Variants in MRPL42 observed in about 807,000 individuals in gnomAD.
MRPL42 encodes the protein mitochondrial ribosomal protein L42.
A neutral mutation model predicts 17.9 loss-of-function variants in MRPL42; 17 were observed. The observed-to-expected ratio is 0.95, with a 90% CI of 0.65 to 1.42. The LOEUF (loss-of-function observed/expected upper bound fraction) is 1.42, where lower values mean the gene tolerates loss of function less well. MRPL42 is among the 40% of genes most tolerant of loss of function. The pLI is 0.00. For missense variants in MRPL42, 177 were observed against 175.2 expected, an observed-to-expected ratio of 1.01 and a Z score of -0.06; for synonymous variants, 59 against 54.4, an observed-to-expected ratio of 1.08 and a Z score of -0.37.
At chr12:93,483,490 A>G (rs772434111) in intron 4 of MRPL42, among the ~76,000 whole-genome samples, 40 of 152,352 alleles carry the variant, frequency 2.6e-4, no homozygotes, top group Admixed American at 9.1e-4. Flanking sequence ...CAATTGTAAC[A>G]CAATGGTCAA....
chr12:93,483,581 T>C (rs1010862730), intron 4 of MRPL42, among the ~76,000 whole-genome samples: 1 of 152,180 alleles, frequency 6.6e-6, no homozygotes, highest in African/African-American at 2.4e-5. Flanking sequence ...AATATACCTG[T>C]ATAGGGTACT....
Position 93,507,122 on chromosome 12 carries a change from G to A in MRPL42, c.*5901G>A, listed in dbSNP as rs1953679885. The A allele has an allele frequency of 6.6e-6, 1 of 152,188 alleles. No individual in the cohort carries two copies. 9.4% of individuals were successfully genotyped at this position (152,188 alleles called of 1,614,324 possible). Reference sequence around the variant, plus strand: ...TTTAGCAATAGATGTGTCCAGTGATGTACTAATGAAGATTTAACAACTGGT... The same window carrying A: ...TTTAGCAATAGATGTGTCCAGTGATATACTAATGAAGATTTAACAACTGGT... On this transcript the variant is annotated 3_prime_UTR_variant, in exon 6 of 6. Coordinates refer to ENST00000549982, the MANE Select transcript of MRPL42 (RefSeq NM_014050.4).
At chr12:93,473,994 CTTAT>C (rs62723860) in intron 2 of MRPL42, among the ~76,000 whole-genome samples, 7,968 of 152,220 alleles carry the variant, frequency 0.052, 253 homozygotes, top group South Asian at 0.14. Context: ...CCTTAAGGAA[CTTAT>C]TTAGACTTGT....
chr12:93,487,493 G>A lies in MRPL42; in HGVS notation c.220-4G>A. 1.9e-6 allele frequency: 3 copies of A among 1,605,722 alleles called. No homozygotes were observed. The highest frequency in any genetic ancestry group is 2.5e-6 in the Non-Finnish European group (3 of 1,177,114). ...CATGATGTTTGTTACTGATTATTTT[G>A]TAGCCTATCCCTCGGCCAGATCCTG... is the stretch of plus-strand genomic sequence containing the variant. On this transcript the variant is annotated splice_polypyrimidine_tract_variant and splice_region_variant and intron_variant, in intron 4 of 5. Transcript: ENST00000549982.
Position 93,513,410 on chromosome 12 carries a change from C to T in MRPL42, c.*12189C>T, listed in dbSNP as rs148696613. On this transcript the variant is annotated 3_prime_UTR_variant, in exon 6 of 6. Coordinates refer to ENST00000549982, the MANE Select transcript of MRPL42 (RefSeq NM_014050.4). ...TTGTGTTACCCAGGTTGGTATCAAA[C>T]TCCTGGTCTCAAGTGATCCTCCCAT... 6.6e-6 allele frequency: 1 copy of T among 152,170 alleles called. No individual in the cohort carries two copies. Among genetic ancestry groups the T allele is most frequent in the East Asian group, 1.9e-4 (1 of 5,176 alleles). The allele number at this position is 152,170 out of a possible 1,614,324, so 9.4% of individuals were successfully genotyped here.
Position 93,477,026 on chromosome 12 carries a change from T to G in MRPL42, c.134+9T>G, listed in dbSNP as rs770939522. 1.9e-5 allele frequency: 29 copies of G among 1,544,158 alleles called. No homozygotes were observed. In the African/African-American group the frequency reaches 3.1e-4, roughly 17 times the overall value. On this transcript the variant is annotated intron_variant, in intron 3 of 5. Transcript: ENST00000549982. ...CCAGATGACTATAATTGGTATGTATTAAAATTCAATTGAAGAAATAATAGT... is the reference window on the plus strand; with the variant it reads ...CCAGATGACTATAATTGGTATGTATGAAAATTCAATTGAAGAAATAATAGT...
In MRPL42 at chr12:93,469,373, T is replaced by C. The variant is rs766062963; in HGVS notation, c.70+18T>C. ...AGTCCAAAGTAAGTGAAATTTTTTT[T>C]AATGTTTAAAAACTTTTAAACTTTT... On this transcript the variant is annotated intron_variant, in intron 2 of 5. Transcript: ENST00000549982. The C allele has an allele frequency of 9.5e-6, 15 of 1,574,632 alleles. No homozygotes were observed. The highest frequency in any genetic ancestry group is 1.3e-5 in the Non-Finnish European group (15 of 1,158,158).
intron 4 of MRPL42, among the ~76,000 whole-genome samples, chr12:93,484,207 A>G (rs757439315): frequency 1.3e-5 from 2 of 152,176 alleles, no homozygotes; most frequent in African/African-American, 2.4e-5. Context: ...TAGTAAATGC[A>G]TAAACCAGTT....
At chr12:93,485,367 C>T (rs1880693903) in intron 4 of MRPL42, among the ~76,000 whole-genome samples, 1 of 151,706 alleles carries the variant, frequency 6.6e-6, no homozygotes, top group South Asian at 2.1e-4. Context: ...TCTCCAACTC[C>T]TGAGCTCAAA....
rs1369666442 is a variant in MRPL42 at position 93,515,120 on chromosome 12, C to T, written c.*13899C>T. 1.3e-5 allele frequency: 2 copies of T among 152,124 alleles called. No homozygotes were observed. The highest frequency in any genetic ancestry group is 3.9e-4 in the East Asian group (2 of 5,188). The allele number at this position is 152,124 out of a possible 1,614,324, so 9.4% of individuals were successfully genotyped here. ...AATTTTACCATTTAAATGTTAGTAA[C>T]AGCTGGTAATGTAACCAAAGAAGAT... On this transcript the variant is annotated 3_prime_UTR_variant, in exon 6 of 6. Transcript: ENST00000549982.
At chr12:93,469,575 T>C (rs1879801988) in intron 2 of MRPL42, among the ~76,000 whole-genome samples, 1 of 151,814 alleles carries the variant, frequency 6.6e-6, no homozygotes, top group African/African-American at 2.4e-5. Context: ...GGTGGGAGGA[T>C]TGCTTGAGGC....
rs1953690863 is a variant in MRPL42, at chr12:93,508,223, G to A, written c.*7002G>A. 6.6e-6 allele frequency: 1 copy of A among 150,406 alleles called. No individual in the cohort carries two copies. The highest frequency in any genetic ancestry group is 2.4e-5 in the African/African-American group (1 of 40,984). 9.3% of individuals were successfully genotyped at this position (150,406 alleles called of 1,614,324 possible). ...GCCTCCCAAAGTGCTGGGATTACAG[G>A]TGTGAGCCACCACGCCTGGTCTTCT... On this transcript the variant is annotated 3_prime_UTR_variant, in exon 6 of 6. Transcript: ENST00000549982.
At chr12:93,468,310 G>GAT (rs1879740621) in intron 1 of MRPL42, among the ~76,000 whole-genome samples, 7 of 152,214 alleles carry the variant, frequency 4.6e-5, no homozygotes, top group African/African-American at 1.7e-4. Context: ...TCACTATTGG[G>GAT]GGGAAGGGCA....
At chr12:93,486,129 A>G (rs144526880) in intron 4 of MRPL42, among the ~76,000 whole-genome samples, 69 of 151,994 alleles carry the variant, frequency 4.5e-4, no homozygotes, top group African/African-American at 1.6e-3. Flanking sequence ...ATAGCTGGCC[A>G]AGACACTGAT....
At chr12:93,488,718 A>C (rs1302014480) in intron 5 of MRPL42, among the ~76,000 whole-genome samples, 1 of 151,656 alleles carries the variant, frequency 6.6e-6, no homozygotes, top group East Asian at 1.9e-4. Context: ...AAATACTCAC[A>C]TTTTCCATCG....
At chr12:93,489,258 CAGAT>C (rs1357876811) in intron 5 of MRPL42, among the ~76,000 whole-genome samples, 2 of 151,998 alleles carry the variant, frequency 1.3e-5, no homozygotes, top group Non-Finnish European at 1.5e-5. Flanking sequence ...GTAAACTTCA[CAGAT>C]AGAGGAAACA....
At chr12:93,484,189 A>G (rs1880597791) in intron 4 of MRPL42, among the ~76,000 whole-genome samples, 1 of 152,204 alleles carries the variant, frequency 6.6e-6, no homozygotes, top group African/African-American at 2.4e-5. Context: ...GATAAAAAGT[A>G]TATAGTATAG....
chr12:93,509,510 G>C lies in MRPL42; in HGVS notation c.*8289G>C, dbSNP rs764372686. The C allele has an allele frequency of 6.6e-6, 1 of 151,804 alleles. No homozygotes were observed. Among genetic ancestry groups the C allele is most frequent in the Non-Finnish European group, 1.5e-5 (1 of 67,984 alleles). The allele number at this position is 151,804 out of a possible 1,614,324, so 9.4% of individuals were successfully genotyped here. A position where few individuals can be genotyped will look rare whatever the true frequency, so the allele number is the denominator to read the frequency against. ...TTGCCAGGCACAGTGGCACATGCCT[G>C]TAGACCTAGCTACTCAGGAGGCTAA... On this transcript the variant is annotated 3_prime_UTR_variant, in exon 6 of 6. Coordinates refer to ENST00000549982, the MANE Select transcript of MRPL42 (RefSeq NM_014050.4).
intron 4 of MRPL42, among the ~76,000 whole-genome samples, chr12:93,480,585 A>G (rs149743698): frequency 2.5e-3 from 368 of 149,178 alleles, no homozygotes; most frequent in African/African-American, 8.8e-3. Flanking sequence ...TCTGTTGCCC[A>G]GGCTGGAGTG....
Sources: gnomAD v4.1 joint callset for allele counts (sites outside exome capture counted in the v4.1 genomes callset) on GRCh38, gnomAD v4.1.1 for gene constraint, MANE v1.5 for transcripts, NCBI Gene and HGNC (gene_info 2026-07-23, HGNC 2026-07-21) for gene names.